The following DDX19B variants were observed in gnomAD, a reference collection of about 807,000 sequenced individuals.
DDX19B encodes the protein ATP-dependent RNA helicase DDX19B.
Under a neutral mutation model 58.1 loss-of-function variants are expected in DDX19B, and 27 were observed. The observed-to-expected ratio is 0.46, with a 90% confidence interval of 0.34 to 0.64. DDX19B has a LOEUF of 0.64. Among genes scored for constraint, DDX19B ranks in the 30% least tolerant of loss-of-function variants. The pLI is 0.01. For missense variants in DDX19B, 399 were observed against 596.5 expected (o/e 0.67, Z 3.45); for synonymous variants, 187 against 214.4 (o/e 0.87, Z 1.12).
chr16:70,294,367 C>T (rs576605959), upstream of DDX19B, among the ~76,000 whole-genome samples: 36 of 152,214 alleles, frequency 2.4e-4, no homozygotes, highest in Admixed American at 1.2e-3. Flanking sequence ...AGGCGTGAGC[C>T]ACCGTGCCCG....
rs534269456 is a variant in DDX19B at position 70,327,667 on chromosome 16, G to C, written c.608-1625G>C. Among the ~76,000 whole-genome samples the C allele has an allele frequency of 2.6e-5, 4 of 152,122 alleles. No homozygotes were observed. The East Asian group carries it at 7.7e-4, about 29-fold the overall frequency. On this transcript the variant is annotated intron_variant, in intron 7 of 11. Coordinates refer to ENST00000288071, the MANE Select transcript of DDX19B (RefSeq NM_007242.7). Reference sequence around the variant, plus strand: ...CTGCCTCGTCCCCTCAAAGTGATGGGATTACAGGTGTGAGCCACTAGGCCA... The same window carrying C: ...CTGCCTCGTCCCCTCAAAGTGATGGCATTACAGGTGTGAGCCACTAGGCCA...
chr16:70,322,565 G>A (rs1400798793), intron 5 of DDX19B, among the ~76,000 whole-genome samples: 1 of 149,038 alleles, frequency 6.7e-6, no homozygotes, highest in Non-Finnish European at 1.5e-5. Context: ...CTCCAGTCTG[G>A]GCGACAAAGT....
intron 1 of DDX19B, among the ~76,000 whole-genome samples, chr16:70,304,827 A>T (rs1961675954): frequency 1.5e-5 from 2 of 135,862 alleles, no homozygotes; most frequent in Non-Finnish European, 3.2e-5. Flanking sequence ...TTTCATTTTC[A>T]CTTCTACTTT....
chr16:70,325,509 T>C lies in DDX19B; in HGVS notation c.493-65T>C, dbSNP rs967819207. 13 of 1,095,674 alleles carry C rather than the reference T, an allele frequency of 1.2e-5. No homozygotes were observed. The African/African-American group carries it at 2.0e-4, about 17-fold the overall frequency. 67.9% of individuals were successfully genotyped at this position (1,095,674 alleles called of 1,614,324 possible). On this transcript the variant is annotated intron_variant, in intron 6 of 11. Coordinates refer to ENST00000288071, the MANE Select transcript of DDX19B (RefSeq NM_007242.7). ...AGCTGGAGGAGTGGCTAAGTACTAA[T>C]GGTAATTCCCCTTTGCAAAAGAGCT...
chr16:70,332,911 A>G (rs966175475), intron 10 of DDX19B, 57 bp from the exon 11 acceptor site: 2 of 1,614,076 alleles, frequency 1.2e-6, no homozygotes, highest in Non-Finnish European at 1.7e-6. Flanking sequence ...GATGGACCAC[A>G]TGACTGATTT....
intron 1 of DDX19B, among the ~76,000 whole-genome samples, chr16:70,303,108 A>G (rs1302842345): frequency 1.3e-5 from 2 of 152,060 alleles, no homozygotes; most frequent in African/African-American, 2.4e-5. Context: ...GTTTCTTTAT[A>G]TATTCTGGAT....
chr16:70,307,247 C>T (rs1026503200), intron 1 of DDX19B, among the ~76,000 whole-genome samples: 1 of 152,140 alleles, frequency 6.6e-6, no homozygotes, highest in African/African-American at 2.4e-5. Context: ...AGTGGGACTG[C>T]TGGATTATAT....
chr16:70,290,259 C>A (rs555512194), upstream of DDX19B, among the ~76,000 whole-genome samples: 1 of 152,058 alleles, frequency 6.6e-6, no homozygotes, highest in African/African-American at 2.4e-5. Context: ...TTTAAAAGGC[C>A]GGGCGCGGTG....
chr16:70,297,223 A>T (rs9927480), upstream of DDX19B, among the ~76,000 whole-genome samples: 11,595 of 144,766 alleles, frequency 0.08, 1,441 homozygotes, highest in African/African-American at 0.28. Flanking sequence ...CTATTTATTT[A>T]TTTTTTTTGA....
intron 1 of DDX19B, among the ~76,000 whole-genome samples, chr16:70,305,956 G>C (rs1314006077): frequency 6.6e-6 from 1 of 151,890 alleles, no homozygotes; most frequent in Non-Finnish European, 1.5e-5. Flanking sequence ...GTAGAGATGA[G>C]GTTTCACCGT....
At chr16:70,315,070 T>C in intron 3 of DDX19B, 115 bp downstream of exon 3, 1 of 1,126,354 alleles carries the variant, frequency 8.9e-7, no homozygotes, top group Non-Finnish European at 1.3e-6. Flanking sequence ...GGCGATACAG[T>C]GCTAGCATAA....
chr16:70,326,077 G>C (rs1367065337), intron 7 of DDX19B, among the ~76,000 whole-genome samples: 3 of 152,170 alleles, frequency 2.0e-5, no homozygotes, highest in Admixed American at 1.3e-4. Flanking sequence ...CGTTGCGTTT[G>C]GTTGTTGTAC....
At chr16:70,305,830 G>A (rs933705017) in intron 1 of DDX19B, among the ~76,000 whole-genome samples, 4 of 151,664 alleles carry the variant, frequency 2.6e-5, no homozygotes, top group African/African-American at 7.3e-5. Flanking sequence ...GCGCAATCTC[G>A]GCTCACTGCA....
At chr16:70,319,990 G>C (rs951264795) in intron 5 of DDX19B, among the ~76,000 whole-genome samples, 2 of 152,148 alleles carry the variant, frequency 1.3e-5, no homozygotes, top group African/African-American at 2.4e-5. Context: ...CAGATGGATA[G>C]TGTCTTTTTT....
chr16:70,291,392 G>A (rs1173104401), upstream of DDX19B, among the ~76,000 whole-genome samples: 5 of 152,068 alleles, frequency 3.3e-5, no homozygotes, highest in African/African-American at 1.2e-4. Flanking sequence ...AAAGCCAAAA[G>A]GTATGTATGA....
At position 70,325,697 on chromosome 16, in the gene DDX19B, G is replaced by T; in HGVS notation, c.607+9G>T. ...TGTTCGAGGCAATAAATGTGAGTAT[G>T]TGAATTTGGTCCTAAATCATCAACC... is the stretch of plus-strand genomic sequence containing the variant. On this transcript the variant is annotated intron_variant, in intron 7 of 11. Coordinates refer to ENST00000288071, the MANE Select transcript of DDX19B (RefSeq NM_007242.7). 6.3e-7 allele frequency: 1 copy of T among 1,582,350 alleles called. No individual in the cohort carries two copies. Among genetic ancestry groups the T allele is most frequent in the Non-Finnish European group, 8.7e-7 (1 of 1,153,794 alleles).
intron 1 of DDX19B, among the ~76,000 whole-genome samples, chr16:70,308,802 T>G (rs535650324): frequency 8.1e-4 from 122 of 151,230 alleles, no homozygotes; most frequent in African/African-American, 2.9e-3. Flanking sequence ...TGTGAGCCAC[T>G]GTGCCCAGCT....
At chr16:70,307,243 A>T (rs995079793) in intron 1 of DDX19B, among the ~76,000 whole-genome samples, 9 of 152,186 alleles carry the variant, frequency 5.9e-5, no homozygotes, top group African/African-American at 2.2e-4. Context: ...TAGAAGTGGG[A>T]CTGCTGGATT....
chr16:70,295,013 C>T (rs1961168970), upstream of DDX19B: 10 of 1,360,474 alleles, frequency 7.4e-6, no homozygotes, highest in Non-Finnish European at 7.6e-6. Flanking sequence ...CAATATTTCT[C>T]GAGGCTTCGG....
Sources: allele counts gnomAD v4.1 joint callset (sites outside exome capture counted in the v4.1 genomes callset), GRCh38; gene constraint gnomAD v4.1.1; transcripts MANE v1.5; gene names NCBI Gene and HGNC (gene_info 2026-07-23, HGNC 2026-07-21).